Variants in COL25A1 observed in about 807,000 individuals in gnomAD.
The protein encoded by COL25A1 is collagen type XXV alpha 1 chain, also known as collagen alpha-1(XXV) chain.
A neutral mutation model predicts 128.4 loss-of-function variants in COL25A1; 103 were observed. The ratio of observed to expected loss-of-function variants is 0.80; its 90% CI spans 0.68 to 0.94. The LOEUF (loss-of-function observed/expected upper bound fraction) is 0.94, where lower values mean the gene tolerates loss of function less well. Ranked by LOEUF, COL25A1 falls within the 40% of genes least tolerant of loss-of-function variation. The pLI, the probability that COL25A1 is intolerant of heterozygous loss-of-function variation, is 0.00. For missense variants in COL25A1, 745 were observed against 840.0 expected (o/e 0.89, Z 1.40); for synonymous variants, 279 against 277.2 (o/e 1.01, Z -0.06).
At chr4:109,082,745 C>T (rs982505158) in intron 3 of COL25A1, among the ~76,000 whole-genome samples, 10 of 152,012 alleles carry the variant, frequency 6.6e-5, no homozygotes, top group African/African-American at 2.4e-4. Flanking sequence ...TGTGGGTTGC[C>T]TTTTCACCTT....
rs750526993 is a variant in COL25A1 at position 108,852,319 on chromosome 4, T to A, written c.1345-39A>T. 4.7e-6 allele frequency: 7 copies of A among 1,497,032 alleles called. No individual in the cohort carries two copies. The South Asian group carries it at 8.3e-5, about 18-fold the overall frequency. The allele number at this position is 1,497,032 out of a possible 1,614,324, so 92.7% of individuals were successfully genotyped here. A position where few individuals can be genotyped will look rare whatever the true frequency, so the allele number is the denominator to read the frequency against. ...AAGCACAGTTTTTAAAAGTAGTAAT[T>A]ATATGTATTAAAATTCATACCTTAA... On this transcript the variant is annotated intron_variant, in intron 25 of 37. Coordinates refer to ENST00000399132, the MANE Select transcript of COL25A1 (RefSeq NM_198721.4).
At chr4:108,833,018 C>T (rs1733354021) in intron 31 of COL25A1, among the ~76,000 whole-genome samples, 1 of 27,442 alleles carries the variant, frequency 3.6e-5, no homozygotes, top group Non-Finnish European at 9.0e-5. Flanking sequence ...CTTCACTTTG[C>T]CCCATAATCT....
chr4:108,848,664 A>G, intron 27 of COL25A1, 95 bp downstream of exon 27: 1 of 835,842 alleles, frequency 1.2e-6, no homozygotes, highest in Non-Finnish European at 2.0e-6. Context: ...AGGGTATCAA[A>G]TATCAATGCT....
At chr4:109,301,312 CCTT>C (rs1252461424) in intron 2 of COL25A1, among the ~76,000 whole-genome samples, 5 of 152,086 alleles carry the variant, frequency 3.3e-5, no homozygotes, top group African/African-American at 1.2e-4. Context: ...AGAGTGATTA[CCTT>C]TTTTATATAT....
At chr4:108,971,704 A>G (rs761315032) in intron 8 of COL25A1, among the ~76,000 whole-genome samples, 3 of 152,244 alleles carry the variant, frequency 2.0e-5, no homozygotes, top group Non-Finnish European at 4.4e-5. Context: ...AGTTTTACAC[A>G]GGAGTAACAT....
At chr4:109,287,868 G>A (rs1390996769) in intron 3 of COL25A1, among the ~76,000 whole-genome samples, 2 of 152,142 alleles carry the variant, frequency 1.3e-5, no homozygotes, top group East Asian at 3.9e-4. Context: ...GGTAGAAGAG[G>A]TAAAGCAAGA....
At chr4:109,136,555 G>C (rs35128275) in intron 3 of COL25A1, among the ~76,000 whole-genome samples, 2,609 of 152,348 alleles carry the variant, frequency 0.017, 53 homozygotes, top group East Asian at 0.099. Flanking sequence ...ACACACGTGA[G>C]TTAGTCAAAT....
intron 16 of COL25A1, among the ~76,000 whole-genome samples, chr4:108,891,174 G>T (rs562308151): frequency 6.6e-6 from 1 of 152,194 alleles, no homozygotes; most frequent in Non-Finnish European, 1.5e-5. Context: ...CAGGTTAATT[G>T]TCAAGGATCA....
At chr4:108,979,769 C>T (rs1020638666) in intron 6 of COL25A1, among the ~76,000 whole-genome samples, 5 of 152,102 alleles carry the variant, frequency 3.3e-5, no homozygotes, top group Admixed American at 6.5e-5. Context: ...ATTTCTGGCT[C>T]ACTATCAGCC....
intron 24 of COL25A1, among the ~76,000 whole-genome samples, chr4:108,855,135 C>T (rs1255261026): frequency 6.6e-6 from 1 of 151,252 alleles, no homozygotes; most frequent in African/African-American, 2.4e-5. Flanking sequence ...CAGTTGAACA[C>T]CATCCTTCTG....
chr4:109,232,101 T>C (rs1210617944), intron 3 of COL25A1, among the ~76,000 whole-genome samples: 1 of 152,178 alleles, frequency 6.6e-6, no homozygotes, highest in Non-Finnish European at 1.5e-5. Flanking sequence ...CAGTTCTTAA[T>C]ACAACCAATT....
At position 109,101,240 on chromosome 4, in the gene COL25A1, T is replaced by C. The variant is rs1765862707; in HGVS notation, c.368-51061A>G. On this transcript the variant is annotated intron_variant, in intron 3 of 37. Transcript: ENST00000399132. ...ACTCAACGTGTTTCACCAAATACTGTGTGATTTCTCCATGACAGTAATGAG... is the reference window on the plus strand; with the variant it reads ...ACTCAACGTGTTTCACCAAATACTGCGTGATTTCTCCATGACAGTAATGAG... 2.0e-5 allele frequency among the ~76,000 whole-genome samples: 3 copies of C among 152,120 alleles called. No individual in the cohort carries two copies. The South Asian group carries it at 6.2e-4, about 31-fold the overall frequency.
At chr4:108,846,097 C>T in intron 28 of COL25A1, 42 bp downstream of exon 28, 2 of 1,251,022 alleles carry the variant, frequency 1.6e-6, no homozygotes, top group Admixed American at 1.7e-5. Context: ...TTAATAAGAA[C>T]ATAATATAAA....
intron 8 of COL25A1, among the ~76,000 whole-genome samples, chr4:108,962,076 C>A (rs1750771968): frequency 1.3e-5 from 2 of 152,204 alleles, no homozygotes; most frequent in Admixed American, 1.3e-4. Flanking sequence ...TTAGTTCCTG[C>A]CATTTCCCGT....
chr4:108,959,965 A>T (rs1750491001), intron 8 of COL25A1, among the ~76,000 whole-genome samples: 1 of 152,150 alleles, frequency 6.6e-6, no homozygotes, highest in African/African-American at 2.4e-5. Flanking sequence ...AAAATTTTTG[A>T]ATAATTGCAA....
At chr4:108,832,275 G>A in intron 32 of COL25A1, 105 bp downstream of exon 32, 1 of 746,268 alleles carries the variant, frequency 1.3e-6, no homozygotes, top group African/African-American at 1.8e-5. Flanking sequence ...TTTAATATTA[G>A]ATAGCCCTTT....
At chr4:109,043,201 C>A (rs373614527) in intron 5 of COL25A1, among the ~76,000 whole-genome samples, 3 of 151,980 alleles carry the variant, frequency 2.0e-5, no homozygotes, top group Non-Finnish European at 4.4e-5. Flanking sequence ...TGGTAGGTAG[C>A]TGCTATAAAT....
At chr4:109,277,574 A>G (rs545205630) in intron 3 of COL25A1, among the ~76,000 whole-genome samples, 19 of 152,234 alleles carry the variant, frequency 1.2e-4, no homozygotes, top group Non-Finnish European at 4.4e-5. Flanking sequence ...CAACGTCCCC[A>G]GACAACCTGT....
intron 5 of COL25A1, among the ~76,000 whole-genome samples, chr4:109,017,798 C>T (rs1047770968): frequency 6.6e-6 from 1 of 152,118 alleles, no homozygotes; most frequent in Admixed American, 6.6e-5. Flanking sequence ...ATTGTTCATG[C>T]AACTCTAAAA....
Sources: gnomAD v4.1 joint callset for allele counts (sites outside exome capture counted in the v4.1 genomes callset) on GRCh38, gnomAD v4.1.1 for gene constraint, MANE v1.5 for transcripts, NCBI Gene and HGNC (gene_info 2026-07-23, HGNC 2026-07-21) for gene names.